The following SAMMSON variants were observed in gnomAD, a reference collection of about 807,000 sequenced individuals.
SAMMSON encodes the protein survival associated mitochondrial melanoma specific oncogenic non-coding RNA.
intron 4 of SAMMSON, among the ~76,000 whole-genome samples, chr3:70,221,729 T>A (rs1274414009): frequency 6.6e-6 from 1 of 152,164 alleles, no homozygotes; most frequent in Non-Finnish European, 1.5e-5. Context: ...AGATCTTGGA[T>A]GATAAGGAAA....
chr3:70,359,381 A>T (rs2106739064), intron 9 of SAMMSON, among the ~76,000 whole-genome samples: 1 of 152,318 alleles, frequency 6.6e-6, no homozygotes. Context: ...TGGATCAAAG[A>T]AAACAATTAT....
chr3:70,008,814 T>A (rs1250554390), intron 1 of SAMMSON, among the ~76,000 whole-genome samples: 2 of 152,230 alleles, frequency 1.3e-5, no homozygotes, highest in Non-Finnish European at 2.9e-5. Flanking sequence ...ATACGTCCCA[T>A]CAATACCTAA....
intron 4 of SAMMSON, among the ~76,000 whole-genome samples, chr3:70,118,694 G>A (rs984300346): frequency 2.6e-5 from 4 of 152,050 alleles, no homozygotes; most frequent in African/African-American, 9.7e-5. Context: ...ACATCTACTT[G>A]CTTCCTTTCA....
chr3:70,371,802 T>C (rs1400077576), intron 9 of SAMMSON, among the ~76,000 whole-genome samples: 1 of 152,198 alleles, frequency 6.6e-6, no homozygotes, highest in Non-Finnish European at 1.5e-5. Flanking sequence ...GGCTTCTTCT[T>C]TTCCAGATTG....
At chr3:70,430,559 T>G (rs564542903) in intron 2 of SAMMSON, among the ~76,000 whole-genome samples, 3 of 152,070 alleles carry the variant, frequency 2.0e-5, no homozygotes, top group South Asian at 4.1e-4. Context: ...GAAAAGAGTA[T>G]GCAGAAGACC....
intron 4 of SAMMSON, among the ~76,000 whole-genome samples, chr3:70,108,713 C>T (rs998204808): frequency 2.0e-5 from 3 of 151,732 alleles, no homozygotes; most frequent in Admixed American, 6.6e-5. Flanking sequence ...ACTCCCTCCC[C>T]GCATGCACAC....
intron 7 of SAMMSON, among the ~76,000 whole-genome samples, chr3:70,312,310 T>A (rs1026249780): frequency 2.0e-5 from 3 of 152,218 alleles, no homozygotes; most frequent in African/African-American, 7.2e-5. Flanking sequence ...TAGTATTTTC[T>A]ATAGCCTATA....
chr3:70,072,812 T>C (rs1454533489), intron 4 of SAMMSON: 1 of 151,996 alleles, frequency 6.6e-6, no homozygotes, highest in African/African-American at 2.4e-5. Context: ...GAAATAAATA[T>C]GCAGTTTTTC....
At chr3:70,036,730 A>G (rs568822115) in intron 3 of SAMMSON, among the ~76,000 whole-genome samples, 2 of 152,196 alleles carry the variant, frequency 1.3e-5, no homozygotes, top group East Asian at 3.9e-4. Flanking sequence ...GGTGAATTGC[A>G]TTTTGATCAT....
intron 3 of SAMMSON, among the ~76,000 whole-genome samples, chr3:70,028,457 G>A (rs2067051559): frequency 6.6e-6 from 1 of 152,084 alleles, no homozygotes; most frequent in South Asian, 2.1e-4. Context: ...AGAATTTGTG[G>A]CTGTGAGACT....
At chr3:70,361,296 A>G (rs1363718340) in intron 9 of SAMMSON, among the ~76,000 whole-genome samples, 1 of 152,178 alleles carries the variant, frequency 6.6e-6, no homozygotes, top group African/African-American at 2.4e-5. Context: ...TTCTTTTAAT[A>G]CATTGGCTAA....
At chr3:70,370,460 G>A (rs1481932823) in intron 9 of SAMMSON, among the ~76,000 whole-genome samples, 2 of 151,850 alleles carry the variant, frequency 1.3e-5, no homozygotes, top group African/African-American at 4.8e-5. Context: ...CTACATCCTT[G>A]TCAGCATCTG....
At chr3:70,343,961 C>A (rs1417731842) in intron 7 of SAMMSON, among the ~76,000 whole-genome samples, 1 of 151,010 alleles carries the variant, frequency 6.6e-6, no homozygotes, top group Non-Finnish European at 1.5e-5. Flanking sequence ...TCAAATTGTT[C>A]TATCTTTGGT....
chr3:70,031,880 T>C (rs1248353898), intron 3 of SAMMSON, among the ~76,000 whole-genome samples: 1 of 152,096 alleles, frequency 6.6e-6, no homozygotes, highest in African/African-American at 2.4e-5. Context: ...AGGCTCACAG[T>C]AAGCATGCAA....
chr3:70,046,554 C>A (rs1168338719), intron 3 of SAMMSON, among the ~76,000 whole-genome samples: 1 of 152,046 alleles, frequency 6.6e-6, no homozygotes, highest in East Asian at 1.9e-4. Flanking sequence ...TTAATACTTA[C>A]CTTGAAATAC....
intron 4 of SAMMSON, chr3:70,126,504 C>T: frequency 1.6e-6 from 1 of 626,270 alleles, no homozygotes; most frequent in South Asian, 1.7e-5. Flanking sequence ...GCGGTCAGCT[C>T]AGCTGGCAGG....
chr3:70,063,103 G>A lies in SAMMSON; in HGVS notation n.418-8373G>A, dbSNP rs369117573. Among the ~76,000 whole-genome samples, 237 of 95,106 alleles carry A rather than the reference G, an allele frequency of 2.5e-3. 4 individuals are homozygous for A. In the East Asian group the frequency reaches 0.048, roughly 19 times the overall value. The allele number at this position is 95,106 out of a possible 152,430, so 62.4% of individuals were successfully genotyped here. A position where few individuals can be genotyped will look rare whatever the true frequency, so the allele number is the denominator to read the frequency against. On this transcript the variant is annotated intron_variant and non_coding_transcript_variant, in intron 3 of 9. Transcript: ENST00000642114. ...GTCACCAGCCCCCCCCACCCCCGCC[G>A]CATTGACTTTCCTTGAAATGCTTCT...
intron 7 of SAMMSON, among the ~76,000 whole-genome samples, chr3:70,347,885 A>G (rs1170695502): frequency 6.6e-6 from 1 of 152,186 alleles, no homozygotes; most frequent in African/African-American, 2.4e-5. Context: ...TCTACCCAAA[A>G]TACAAAAATT....
At chr3:70,293,268 A>G (rs1702256375) in intron 7 of SAMMSON, among the ~76,000 whole-genome samples, 1 of 152,092 alleles carries the variant, frequency 6.6e-6, no homozygotes, top group African/African-American at 2.4e-5. Context: ...AGTACATAGT[A>G]TTACAAAGAA....
Sources: allele counts gnomAD v4.1 joint callset (sites outside exome capture counted in the v4.1 genomes callset), GRCh38; gene constraint gnomAD v4.1.1; transcripts MANE v1.5; gene names NCBI Gene and HGNC (gene_info 2026-07-23, HGNC 2026-07-21).